The following RERE variants were observed in gnomAD, a reference collection of about 807,000 sequenced individuals.
The protein encoded by RERE is arginine-glutamic acid dipeptide repeats, also known as arginine-glutamic acid dipeptide repeats protein.
In RERE, 40 loss-of-function variants were observed where a neutral mutation model predicts 146.1. The observed-to-expected ratio is 0.27, with a 90% confidence interval of 0.21 to 0.36. The LOEUF is 0.36. Ranked by LOEUF, RERE falls within the 10% of genes least tolerant of loss-of-function variation. RERE has a pLI of 1.00. For missense variants in RERE, 1,933 were observed against 2,138.7 expected, an observed-to-expected ratio of 0.90 and a Z score of 1.90; for synonymous variants, 1,003 against 866.0, an observed-to-expected ratio of 1.16 and a Z score of -2.78.
intron 7 of RERE, among the ~76,000 whole-genome samples, chr1:8,517,098 T>C (rs1021108579): frequency 6.6e-6 from 1 of 152,200 alleles, no homozygotes; most frequent in African/African-American, 2.4e-5. Flanking sequence ...AATGCCAGTT[T>C]CCTGGTTTTG....
intron 17 of RERE, 25 bp downstream of exon 17, chr1:8,361,738 A>G (rs774430115): frequency 3.8e-6 from 6 of 1,578,106 alleles, no homozygotes; most frequent in South Asian, 3.3e-5. Flanking sequence ...AGCTTTACTC[A>G]GCAAGGCTCA....
At chr1:8,439,224 CAT>C (rs1253485806) in intron 11 of RERE, among the ~76,000 whole-genome samples, 6 of 152,364 alleles carry the variant, frequency 3.9e-5, no homozygotes, top group African/African-American at 1.4e-4. Flanking sequence ...CTAAACACTA[CAT>C]GATTGTAAAA....
chr1:8,520,760 A>AAAAAAAC (rs1645485222), intron 7 of RERE, among the ~76,000 whole-genome samples: 1 of 149,302 alleles, frequency 6.7e-6, no homozygotes, highest in Non-Finnish European at 1.5e-5. Flanking sequence ...TTTTTAAAAA[A>AAAAAAAC]AAAAAAAAAA....
intron 1 of RERE, among the ~76,000 whole-genome samples, chr1:8,751,377 C>T (rs1640531322): frequency 6.6e-6 from 1 of 152,096 alleles, no homozygotes; most frequent in African/African-American, 2.4e-5. Context: ...AAATAAATAG[C>T]AATCTATAGT....
At chr1:8,788,196 G>A (rs185556867) in intron 1 of RERE, among the ~76,000 whole-genome samples, 2 of 152,108 alleles carry the variant, frequency 1.3e-5, no homozygotes, top group African/African-American at 4.8e-5. Flanking sequence ...AATAAGCCAA[G>A]TGCCCAATAA....
intron 12 of RERE, among the ~76,000 whole-genome samples, chr1:8,419,794 GA>G (rs1643870159): frequency 1.3e-5 from 2 of 152,216 alleles, no homozygotes; most frequent in African/African-American, 4.8e-5. Context: ...TAAGGTTCCA[GA>G]GCAAGTAAGT....
At chr1:8,551,566 C>T (rs1035361735) in intron 6 of RERE, among the ~76,000 whole-genome samples, 1 of 152,122 alleles carries the variant, frequency 6.6e-6, no homozygotes, top group African/African-American at 2.4e-5. Context: ...TAACTCAGTA[C>T]AAAATTACAC....
At chr1:8,782,207 A>C (rs1382623003) in intron 1 of RERE, among the ~76,000 whole-genome samples, 1 of 152,096 alleles carries the variant, frequency 6.6e-6, no homozygotes, top group African/African-American at 2.4e-5. Flanking sequence ...ATCAGTTCTC[A>C]GTCCTAAGCT....
intron 1 of RERE, among the ~76,000 whole-genome samples, chr1:8,685,503 C>A (rs1301165152): frequency 1.3e-5 from 2 of 152,068 alleles, no homozygotes; most frequent in Non-Finnish European, 2.9e-5. Flanking sequence ...GGGTGGATCG[C>A]GAGGTCAGGA....
chr1:8,580,074 G>A (rs1446873203), intron 4 of RERE, among the ~76,000 whole-genome samples: 1 of 152,148 alleles, frequency 6.6e-6, no homozygotes, highest in East Asian at 1.9e-4. Context: ...CAGTAAAATC[G>A]AAGGACACTT....
chr1:8,526,952 G>A (rs190133087), intron 7 of RERE, among the ~76,000 whole-genome samples: 29 of 152,192 alleles, frequency 1.9e-4, no homozygotes, highest in South Asian at 2.1e-4. Context: ...CATGAACCTC[G>A]CCAAAATTAT....
rs1639034719 is a variant in RERE, at chr1:8,684,138, G to A, written c.-144-27697C>T. On this transcript the variant is annotated intron_variant, in intron 1 of 22. Transcript: ENST00000400908. ...TGATTGCATTAAAACACACCAAAAG[G>A]ATCTTAGTAATTAAAGATAGATACT... is the stretch of plus-strand genomic sequence containing the variant. Among the ~76,000 whole-genome samples the A allele has an allele frequency of 3.3e-5, 5 of 152,188 alleles. No homozygotes were observed. In the South Asian group the frequency reaches 8.3e-4, roughly 25 times the overall value.
At chr1:8,492,048 CGGAG>C (rs2124221710) in intron 10 of RERE, among the ~76,000 whole-genome samples, 1 of 152,232 alleles carries the variant, frequency 6.6e-6, no homozygotes, top group South Asian at 2.1e-4. Context: ...CTGAAGTTTT[CGGAG>C]TCAGTTCAAC....
chr1:8,429,270 T>C (rs1226830332), intron 11 of RERE, among the ~76,000 whole-genome samples: 2 of 152,024 alleles, frequency 1.3e-5, no homozygotes, highest in Admixed American at 1.3e-4. Context: ...GGGGGACCAG[T>C]GTAAAAAATT....
At position 8,760,119 on chromosome 1, in the gene RERE, G is replaced by A. The variant is rs553383034; in HGVS notation, c.-145+57041C>T. On this transcript the variant is annotated intron_variant, in intron 1 of 22. Transcript: ENST00000400908. ...CAGCTCACTGCAACCTCTGCCTCCC[G>A]GGTTCAAGCAATTCTCCTGCCTCAG... is the stretch of plus-strand genomic sequence containing the variant. Among the ~76,000 whole-genome samples the A allele has an allele frequency of 9.2e-5, 14 of 152,078 alleles. No individual in the cohort carries two copies. The South Asian group carries it at 1.2e-3, about 14-fold the overall frequency.
At chr1:8,470,660 C>T (rs1337027025) in intron 10 of RERE, among the ~76,000 whole-genome samples, 6 of 151,938 alleles carry the variant, frequency 3.9e-5, no homozygotes, top group Non-Finnish European at 7.4e-5. Context: ...CTGGTGTGCC[C>T]TCCTCCTTAG....
intron 1 of RERE, among the ~76,000 whole-genome samples, chr1:8,767,673 T>C (rs1052826128): frequency 8.8e-6 from 1 of 114,248 alleles, no homozygotes; most frequent in African/African-American, 2.9e-5. Context: ...AATAAAAAGC[T>C]TTCTTTATTA....
chr1:8,676,153 C>T (rs959626558), intron 1 of RERE, among the ~76,000 whole-genome samples: 1 of 152,106 alleles, frequency 6.6e-6, no homozygotes, highest in East Asian at 1.9e-4. Flanking sequence ...CTCCACATTA[C>T]AAAACTTATA....
intron 4 of RERE, among the ~76,000 whole-genome samples, chr1:8,577,425 C>G (rs1646309733): frequency 6.6e-6 from 1 of 152,176 alleles, no homozygotes; most frequent in South Asian, 2.1e-4. Flanking sequence ...CAGCCATATA[C>G]TGTTAAGAGA....
Sources: allele counts gnomAD v4.1 joint callset (sites outside exome capture counted in the v4.1 genomes callset), GRCh38; gene constraint gnomAD v4.1.1; transcripts MANE v1.5; gene names NCBI Gene and HGNC (gene_info 2026-07-23, HGNC 2026-07-21).